ARHGEF12: variants seen among roughly 807,000 people sequenced by gnomAD.
The protein encoded by ARHGEF12 is Rho guanine nucleotide exchange factor 12, also known as KMT2A/ARHGEF12 fusion protein.
ARHGEF12 carries 66 observed loss-of-function variants against 211.2 expected under a neutral mutation model. That is an observed-to-expected ratio of 0.31 (90% CI 0.26 to 0.38). The LOEUF is 0.38. Among genes scored for constraint, ARHGEF12 ranks in the 10% least tolerant of loss-of-function variants. ARHGEF12 has a pLI of 1.00. For synonymous variants in ARHGEF12, 592 were observed against 638.4 expected (o/e 0.93, Z 1.09); for missense variants, 1,429 against 1,869.5 (o/e 0.76, Z 4.34).
rs56313347 is a variant in ARHGEF12 at position 120,473,730 on chromosome 11, T to C, written c.3033+603T>C. Among the ~76,000 whole-genome samples the C allele has an allele frequency of 5.4e-3, 816 of 152,372 alleles. 2 individuals are homozygous for C. The highest frequency in any genetic ancestry group is 7.8e-3 in the Non-Finnish European group (531 of 68,040). On this transcript the variant is annotated intron_variant, in intron 31 of 40. Transcript: ENST00000397843. ...TAGTTTAAATAAGGGTAGGACTGTT[T>C]GGTAACTTTCCAGATCATTTAATAA...
intron 13 of ARHGEF12, among the ~76,000 whole-genome samples, chr11:120,441,477 C>T (rs12293493): frequency 0.013 from 1,982 of 152,192 alleles, 52 homozygotes; most frequent in African/African-American, 0.046. Flanking sequence ...CCTAAATTTC[C>T]GTTCTCCCAC....
chr11:120,466,459 G>A (rs901209370), intron 28 of ARHGEF12, among the ~76,000 whole-genome samples: 2 of 152,156 alleles, frequency 1.3e-5, no homozygotes, highest in African/African-American at 4.8e-5. Flanking sequence ...ATGAAATCAG[G>A]CCCAGCCAGG....
chr11:120,413,844 A>G (rs1944952534), intron 4 of ARHGEF12, among the ~76,000 whole-genome samples: 1 of 152,234 alleles, frequency 6.6e-6, no homozygotes, highest in South Asian at 2.1e-4. Flanking sequence ...AGGTGAAGAA[A>G]GACTAATGTG....
intron 30 of ARHGEF12, 120 bp downstream of exon 30, chr11:120,469,508 G>A: frequency 1.2e-6 from 1 of 853,612 alleles, no homozygotes; most frequent in South Asian, 2.1e-5. Context: ...GAGAACATTT[G>A]TTTACTGTTC....
chr11:120,437,432 A>G (rs1361509805), intron 12 of ARHGEF12, 50 bp downstream of exon 12: 1 of 1,452,570 alleles, frequency 6.9e-7, no homozygotes, highest in East Asian at 2.3e-5. Context: ...CTTTCCTTAT[A>G]CTTAAAGTAT....
intron 27 of ARHGEF12, 97 bp downstream of exon 27, chr11:120,460,854 C>T (rs1305687734): frequency 4.7e-6 from 5 of 1,056,588 alleles, no homozygotes; most frequent in Non-Finnish European, 7.2e-6. Context: ...CAAACTCATC[C>T]ATGTTGCAAA....
At chr11:120,344,981 T>C (rs1942659224) in intron 1 of ARHGEF12, among the ~76,000 whole-genome samples, 1 of 152,228 alleles carries the variant, frequency 6.6e-6, no homozygotes, top group Admixed American at 6.5e-5. Flanking sequence ...AATGCTCCTT[T>C]ATGATTTTAC....
chr11:120,383,993 G>A (rs1943954541), intron 1 of ARHGEF12, among the ~76,000 whole-genome samples: 1 of 152,088 alleles, frequency 6.6e-6, no homozygotes, highest in Non-Finnish European at 1.5e-5. Flanking sequence ...GCCAACACAG[G>A]CTTTGACATA....
chr11:120,347,139 CCT>C, intron 1 of ARHGEF12, among the ~76,000 whole-genome samples: 1 of 54,904 alleles, frequency 1.8e-5, no homozygotes, highest in Non-Finnish European at 3.5e-5. Flanking sequence ...TTCTTTCCTT[CCT>C]TCCTTCCTTC....
At chr11:120,378,940 A>G (rs1184536243) in intron 1 of ARHGEF12, among the ~76,000 whole-genome samples, 1 of 152,146 alleles carries the variant, frequency 6.6e-6, no homozygotes, top group African/African-American at 2.4e-5. Context: ...GCTCTTCTAG[A>G]TCTTTGCATT....
At chr11:120,349,396 T>TA (rs1942865894) in intron 1 of ARHGEF12, among the ~76,000 whole-genome samples, 1 of 152,138 alleles carries the variant, frequency 6.6e-6, no homozygotes, top group Non-Finnish European at 1.5e-5. Context: ...TTGTCAGAGA[T>TA]AAAAAGTAGC....
chr11:120,341,452 AT>A (rs1325288560), intron 1 of ARHGEF12, among the ~76,000 whole-genome samples: 3 of 152,210 alleles, frequency 2.0e-5, no homozygotes, highest in African/African-American at 2.4e-5. Flanking sequence ...GAATCCATAA[AT>A]GGTGAATTTT....
rs767122374 is a variant in ARHGEF12 at position 120,453,188 on chromosome 11, G to A, written c.2056+1464G>A. ...GGGAATAGGCAGGTTTCTACATAAG[G>A]CCAAGAAGTACAAGTGACATTTGGA... On this transcript the variant is annotated intron_variant, in intron 22 of 40. Coordinates refer to ENST00000397843, the MANE Select transcript of ARHGEF12 (RefSeq NM_015313.3). Among the ~76,000 whole-genome samples the A allele has an allele frequency of 2.3e-4, 35 of 152,198 alleles. 1 individual carries two copies. Among genetic ancestry groups the A allele is most frequent in the South Asian group, 4.2e-4 (2 of 4,810 alleles).
At chr11:120,457,039 T>C in intron 22 of ARHGEF12, 79 bp from the exon 23 acceptor site, 3 of 1,422,078 alleles carry the variant, frequency 2.1e-6, no homozygotes, top group Non-Finnish European at 2.9e-6. Context: ...CTGAAGCTGT[T>C]CTGGGAACTA....
At chr11:120,424,128 T>C (rs571176583) in intron 6 of ARHGEF12, among the ~76,000 whole-genome samples, 1 of 152,314 alleles carries the variant, frequency 6.6e-6, no homozygotes, top group South Asian at 2.1e-4. Flanking sequence ...GAATAAGTTG[T>C]ACTGTTTTGT....
chr11:120,450,125 C>A (rs905879870), intron 21 of ARHGEF12: 1 of 152,248 alleles, frequency 6.6e-6, no homozygotes, highest in Non-Finnish European at 1.5e-5. Flanking sequence ...AATTCCAGCA[C>A]TTTGCAAGGC....
intron 6 of ARHGEF12, 38 bp downstream of exon 6, chr11:120,421,890 A>G (rs780947842): frequency 1.3e-6 from 2 of 1,500,766 alleles, no homozygotes; most frequent in Non-Finnish European, 1.8e-6. Context: ...CGGTAGGATT[A>G]AAAAACAACA....
chr11:120,337,316 G>T, intron 1 of ARHGEF12, 41 bp downstream of exon 1: 1 of 1,613,422 alleles, frequency 6.2e-7, no homozygotes, highest in Non-Finnish European at 8.5e-7. Flanking sequence ...CCCGGAATCG[G>T]GCCCGACCTA....
In ARHGEF12 at chr11:120,478,514, T is replaced by C. The variant is rs1947129878; in HGVS notation, c.3766+125T>C. ...AGTTCTATTGTGGAGATTATAGTAT[T>C]CTCTACAGTGGCCCATGCCACAGGC... On this transcript the variant is annotated intron_variant, in intron 37 of 40. Coordinates refer to ENST00000397843, the MANE Select transcript of ARHGEF12 (RefSeq NM_015313.3). 5.4e-6 allele frequency: 5 copies of C among 928,414 alleles called. No individual in the cohort carries two copies. In the South Asian group the frequency reaches 6.6e-5, roughly 12 times the overall value. The allele number at this position is 928,414 out of a possible 1,614,324, so 57.5% of individuals were successfully genotyped here.
Sources: allele counts gnomAD v4.1 joint callset (sites outside exome capture counted in the v4.1 genomes callset), GRCh38; gene constraint gnomAD v4.1.1; transcripts MANE v1.5; gene names NCBI Gene and HGNC (gene_info 2026-07-23, HGNC 2026-07-21).